The following CSMD1 variants were observed in gnomAD, a reference collection of about 807,000 sequenced individuals.
CSMD1 encodes the protein CUB and sushi domain-containing protein 1.
In CSMD1, 213 loss-of-function variants were observed where a neutral mutation model predicts 417.5. The ratio of observed to expected loss-of-function variants is 0.51; its 90% CI spans 0.46 to 0.57. CSMD1 has a LOEUF of 0.57. Ranked by LOEUF, CSMD1 falls within the 20% of genes least tolerant of loss-of-function variation. CSMD1 has a pLI of 0.00. For synonymous variants in CSMD1, 2,862 were observed against 1,736.8 expected, an observed-to-expected ratio of 1.65 and a Z score of -16.11; for missense variants, 6,923 against 4,529.7, an observed-to-expected ratio of 1.53 and a Z score of -15.17.
rs1491324597 is a variant in CSMD1, at chr8:3,551,597, T to TATATA, written c.1344+23347_1344+23348insTATAT. 3.0e-3 allele frequency among the ~76,000 whole-genome samples: 271 copies of TATATA among 90,538 alleles called. 1 individual carries two copies. The highest frequency in any genetic ancestry group is 0.016 in the African/African-American group (253 of 15,464). The allele number at this position is 90,538 out of a possible 152,430, so 59.4% of individuals were successfully genotyped here. ...AAATATGTATATATATATATATATA[T>TATATA]TTTTTTTTTTTTTTTTTCTGAAGAT... is the stretch of plus-strand genomic sequence containing the variant. On this transcript the variant is annotated intron_variant, in intron 10 of 69. Coordinates refer to ENST00000635120, the MANE Select transcript of CSMD1 (RefSeq NM_033225.6).
intron 2 of CSMD1, among the ~76,000 whole-genome samples, chr8:4,469,635 G>A (rs550318927): frequency 6.6e-6 from 1 of 152,070 alleles, no homozygotes; most frequent in Non-Finnish European, 1.5e-5. Context: ...ATGTAGCTTA[G>A]AGGCCAGTGT....
chr8:4,975,836 C>T (rs1029755785), intron 1 of CSMD1, among the ~76,000 whole-genome samples: 5 of 151,912 alleles, frequency 3.3e-5, no homozygotes, highest in Non-Finnish European at 7.4e-5. Context: ...AGAAAAAAAC[C>T]CAGCAGATAC....
At chr8:4,317,383 A>G (rs1585219726) in intron 3 of CSMD1, among the ~76,000 whole-genome samples, 2 of 152,186 alleles carry the variant, frequency 1.3e-5, no homozygotes, top group East Asian at 3.9e-4. Context: ...CTTTCATTCT[A>G]CCCTGCTGTA....
chr8:3,078,314 T>C (rs1042276684), intron 49 of CSMD1, among the ~76,000 whole-genome samples: 1 of 152,190 alleles, frequency 6.6e-6, no homozygotes, highest in Admixed American at 6.5e-5. Flanking sequence ...TTCACACAGT[T>C]AGAATAGGTG....
chr8:4,481,805 C>G (rs1455333252), intron 2 of CSMD1, among the ~76,000 whole-genome samples: 1 of 152,038 alleles, frequency 6.6e-6, no homozygotes, highest in Non-Finnish European at 1.5e-5. Context: ...ATGGGATTAA[C>G]TTGTTTAATT....
rs745828621 is a variant in CSMD1, at chr8:3,308,459, C to A, written c.3676G>T (p.Gly1226Cys). 1 of 1,613,598 alleles carries A rather than the reference C, an allele frequency of 6.2e-7. No homozygotes were observed. The highest frequency in any genetic ancestry group is 8.5e-7 in the Non-Finnish European group (1 of 1,179,686). ...TGGCCTTCATCACGGATCCTATAGC[C>A]GTAGTTAGGGATGCCCGGATCCTCA... Reference protein sequence around the residue: ...KCEDPGIPNYGYRIRDEGHFT... With the variant: ...KCEDPGIPNYCYRIRDEGHFT... The change falls in exon 24 of 70, where the codon GGC becomes TGC. Residue 1226 changes from glycine (G) to cysteine (C), a missense_variant. Gly to Cys is a radical substitution (Grantham distance 159). Coordinates refer to ENST00000635120, the MANE Select transcript of CSMD1 (RefSeq NM_033225.6).
chr8:4,824,003 T>G (rs1368025758), intron 1 of CSMD1, among the ~76,000 whole-genome samples: 3 of 151,476 alleles, frequency 2.0e-5, no homozygotes, highest in African/African-American at 7.3e-5. Context: ...TATACAATCA[T>G]GGACACACAC....
rs138893256 is a variant in CSMD1 at position 4,221,696 on chromosome 8, T to C, written c.416-189597A>G. Among the ~76,000 whole-genome samples the C allele has an allele frequency of 8.3e-4, 126 of 152,228 alleles. 1 individual carries two copies. Among genetic ancestry groups the C allele is most frequent in the African/African-American group, 2.8e-3 (116 of 41,526 alleles). On this transcript the variant is annotated intron_variant, in intron 3 of 69. Coordinates refer to ENST00000635120, the MANE Select transcript of CSMD1 (RefSeq NM_033225.6). Reference sequence around the variant, plus strand: ...CACTGCCATTCCCACATTCCAGCAATAGACTGGAGGCTTTCTCTCCAGAGA... The same window carrying C: ...CACTGCCATTCCCACATTCCAGCAACAGACTGGAGGCTTTCTCTCCAGAGA...
chr8:4,798,697 A>C (rs1025215314), intron 1 of CSMD1, among the ~76,000 whole-genome samples: 10 of 152,208 alleles, frequency 6.6e-5, no homozygotes, highest in Non-Finnish European at 1.5e-4. Flanking sequence ...TTTTCAGAAA[A>C]ATACCAATTT....
intron 5 of CSMD1, among the ~76,000 whole-genome samples, chr8:3,975,623 A>G (rs923463318): frequency 6.6e-6 from 1 of 152,144 alleles, no homozygotes; most frequent in Non-Finnish European, 1.5e-5. Flanking sequence ...TCCCATGACT[A>G]AAGTGCCTGT....
intron 5 of CSMD1, among the ~76,000 whole-genome samples, chr8:3,796,974 C>A (rs2129070704): frequency 6.6e-6 from 1 of 151,708 alleles, no homozygotes; most frequent in Admixed American, 6.6e-5. Flanking sequence ...AATAATTCCC[C>A]ACAGCTAAAA....
intron 1 of CSMD1, among the ~76,000 whole-genome samples, chr8:4,881,477 T>G (rs11136787): frequency 0.25 from 37,007 of 150,142 alleles, 5,712 homozygotes; most frequent in Non-Finnish European, 0.32. Flanking sequence ...TCTCCCTACA[T>G]GCAATAAACC....
In CSMD1 at chr8:2,952,408, A is replaced by G. The variant is rs576176988; in HGVS notation, c.10040-1133T>C. ...GTTTTCCTAGGCAGGCTGAACCTAT[A>G]AAACTTGGCCTAGCAAGAGAAGGGT... On this transcript the variant is annotated intron_variant, in intron 65 of 69. Transcript: ENST00000635120. Among the ~76,000 whole-genome samples the G allele has an allele frequency of 3.4e-3, 515 of 152,322 alleles. 6 individuals carry two copies. Among genetic ancestry groups the G allele is most frequent in the African/African-American group, 3.4e-3 (140 of 41,568 alleles).
intron 25 of CSMD1, among the ~76,000 whole-genome samples, chr8:3,300,566 C>T (rs1442147768): frequency 6.6e-6 from 1 of 152,088 alleles, no homozygotes. Context: ...TTTGACCCAG[C>T]AAACAAATTT....
At chr8:4,413,321 C>T (rs562639198) in intron 3 of CSMD1, among the ~76,000 whole-genome samples, 4 of 152,130 alleles carry the variant, frequency 2.6e-5, no homozygotes, top group South Asian at 4.1e-4. Context: ...TAACTACGCT[C>T]GTGGGGCTGC....
chr8:4,820,414 T>C (rs950566585), intron 1 of CSMD1, among the ~76,000 whole-genome samples: 7 of 152,168 alleles, frequency 4.6e-5, no homozygotes, highest in South Asian at 2.1e-4. Context: ...AATTAAAATA[T>C]ACACGAGAGC....
At chr8:4,079,708 C>A (rs879457550) in intron 3 of CSMD1, among the ~76,000 whole-genome samples, 1 of 152,176 alleles carries the variant, frequency 6.6e-6, no homozygotes, top group Admixed American at 6.5e-5. Context: ...TGCTTTCTTT[C>A]CATAGTATGA....
intron 1 of CSMD1, among the ~76,000 whole-genome samples, chr8:4,800,438 C>CAAAAA (rs11463488): frequency 2.3e-3 from 265 of 115,010 alleles, no homozygotes; most frequent in African/African-American, 8.5e-3. Context: ...GACTTCATCT[C>CAAAAA]AAAAAAAAAA....
intron 6 of CSMD1, among the ~76,000 whole-genome samples, chr8:3,737,573 C>T (rs969324871): frequency 2.0e-5 from 3 of 152,076 alleles, no homozygotes; most frequent in Admixed American, 2.0e-4. Flanking sequence ...CATATATCCT[C>T]CTATGTCATT....
Sources: gnomAD v4.1 joint callset for allele counts (sites outside exome capture counted in the v4.1 genomes callset) on GRCh38, gnomAD v4.1.1 for gene constraint, MANE v1.5 for transcripts, NCBI Gene and HGNC (gene_info 2026-07-23, HGNC 2026-07-21) for gene names.